Variants in MEDAG observed in about 807,000 individuals in gnomAD.
MEDAG encodes mesenteric estrogen dependent adipogenesis.
Under a neutral mutation model 29.9 loss-of-function variants are expected in MEDAG, and 25 were observed. The ratio of observed to expected loss-of-function variants is 0.84; its 90% CI spans 0.61 to 1.17. The LOEUF is 1.17. Ranked by LOEUF, MEDAG falls within the 50% of genes most tolerant of loss-of-function variation. The probability of loss-of-function intolerance (pLI) is 0.00; values close to 1 mark genes in which losing one functional copy is unlikely to be tolerated. For missense variants in MEDAG, 398 were observed against 372.9 expected (o/e 1.07, Z -0.56); for synonymous variants, 158 against 148.2 (o/e 1.07, Z -0.48).
At position 30,924,319 on chromosome 13, in the gene MEDAG, G is replaced by A. The variant is rs758793268; in HGVS notation, c.796G>A (p.Asp266Asn). 6.2e-7 allele frequency: 1 copy of A among 1,613,240 alleles called. No homozygotes were observed. The highest frequency in any genetic ancestry group is 8.5e-7 in the Non-Finnish European group (1 of 1,179,594). Residue 266 changes from aspartate to asparagine, a missense_variant, in exon 5 of 5, where the codon GAT becomes AAT. Asp to Asn is a conservative substitution (Grantham distance 23, BLOSUM62 1). Transcript: ENST00000380482. ...TGTTTACTGTTTTTTAGGTTCAATA[G>A]ATGATGTTTTTAACTGCAATCTGTC... is the stretch of plus-strand genomic sequence containing the variant. ...KFSVTSRGSI[D>N]DVFNCNLSPR... is the part of the protein sequence containing the mutation.
At chr13:30,923,992 C>A (rs996664150) in intron 4 of MEDAG, among the ~76,000 whole-genome samples, 16 of 150,458 alleles carry the variant, frequency 1.1e-4, no homozygotes, top group Non-Finnish European at 2.2e-4. Context: ...AGGGTGCTAA[C>A]CTGGGCCCAT....
At chr13:30,916,890 G>A (rs891377446) in intron 1 of MEDAG, 1 of 154,710 alleles carries the variant, frequency 6.5e-6, no homozygotes, top group African/African-American at 2.4e-5. Flanking sequence ...GGAGAGATGT[G>A]AACTAGTAAT....
chr13:30,910,358 G>T (rs952723257), intron 1 of MEDAG, among the ~76,000 whole-genome samples: 10 of 152,122 alleles, frequency 6.6e-5, no homozygotes, highest in Non-Finnish European at 1.2e-4. Flanking sequence ...AATAGAAATG[G>T]TGGCTACTAA....
At position 30,924,384 on chromosome 13, in the gene MEDAG, A is replaced by G. The variant is rs759087951; in HGVS notation, c.861A>G (p.Leu287=). 6.2e-7 allele frequency: 1 copy of G among 1,614,096 alleles called. No homozygotes were observed. Among genetic ancestry groups the G allele is most frequent in the South Asian group, 1.1e-5 (1 of 91,062 alleles). The change falls in exon 5 of 5, where the codon TTA becomes TTG. Residue 287 remains leucine (L), a synonymous_variant. Coordinates refer to ENST00000380482, the MANE Select transcript of MEDAG (RefSeq NM_032849.4). ...SSLTEPLLAE[L]PFPSVLESEE... is the part of the protein sequence containing the mutation. ...TGACAGAGCCTCTTTTGGCAGAATT[A>G]CCATTTCCAAGTGTTCTGGAATCTG...
chr13:30,923,670 C>G (rs190590119), intron 4 of MEDAG, among the ~76,000 whole-genome samples: 2 of 152,312 alleles, frequency 1.3e-5, no homozygotes, highest in East Asian at 3.9e-4. Context: ...TCTGACACCC[C>G]TGAGTTCACC....
chr13:30,906,893 C>A (rs71436424), intron 1 of MEDAG, 100 bp downstream of exon 1: 4 of 1,222,998 alleles, frequency 3.3e-6, no homozygotes, highest in South Asian at 1.7e-5. Context: ...TCGCTGCCTG[C>A]GACACCGCGT....
In MEDAG at chr13:30,921,717, A is replaced by G; in HGVS notation, c.658A>G (p.Lys220Glu). Reference sequence around the variant, plus strand: ...TAATTCCGTTGTAAAAGTAAATGGAAAAGTTCTGAATTTGTCAAGTACAAG... The same window carrying G: ...TAATTCCGTTGTAAAAGTAAATGGAGAAGTTCTGAATTTGTCAAGTACAAG... Reference protein sequence around the residue: ...LSNSVVKVNGKVLNLSSTSPE... With the variant: ...LSNSVVKVNGEVLNLSSTSPE... The change falls in exon 4 of 5, where the codon AAA becomes GAA. Residue 220 changes from lysine to glutamate, a missense_variant. Coordinates refer to ENST00000380482, the MANE Select transcript of MEDAG (RefSeq NM_032849.4). 1 of 1,614,082 alleles carries G rather than the reference A, an allele frequency of 6.2e-7. No homozygotes were observed. Among genetic ancestry groups the G allele is most frequent in the Non-Finnish European group, 8.5e-7 (1 of 1,180,002 alleles).
In MEDAG at chr13:30,921,125, A is replaced by G; in HGVS notation, c.500A>G (p.Gln167Arg). ...GTGATTGGAGAAAGTTACCGGCTTC[A>G]GGTAAGCCTAGCCTGTCTGAATCCA... ...SSVIGESYRL[Q>R]FDFQEAVKNF... The change falls in exon 3 of 5, where the codon CAG becomes CGG. Residue 167 changes from glutamine to arginine, a missense_variant and splice_region_variant. Coordinates refer to ENST00000380482, the MANE Select transcript of MEDAG (RefSeq NM_032849.4). The G allele has an allele frequency of 6.2e-7, 1 of 1,611,042 alleles. No homozygotes were observed. Among genetic ancestry groups the G allele is most frequent in the Non-Finnish European group, 8.5e-7 (1 of 1,177,870 alleles).
intron 1 of MEDAG, among the ~76,000 whole-genome samples, chr13:30,907,032 C>T (rs1433061924): frequency 1.3e-5 from 2 of 152,214 alleles, no homozygotes; most frequent in African/African-American, 4.8e-5. Flanking sequence ...CCCAGAAGGG[C>T]ATCAGGACTG....
At chr13:30,907,531 A>AT (rs1952842270) in intron 1 of MEDAG, among the ~76,000 whole-genome samples, 2 of 152,038 alleles carry the variant, frequency 1.3e-5, no homozygotes, top group African/African-American at 4.8e-5. Flanking sequence ...GACCGGCAGG[A>AT]TGTGGCCCAG....
intron 1 of MEDAG, among the ~76,000 whole-genome samples, chr13:30,915,812 C>T (rs1952922475): frequency 6.6e-6 from 1 of 151,962 alleles, no homozygotes; most frequent in African/African-American, 2.4e-5. Flanking sequence ...TTGTAACACC[C>T]CAGCGCCCCA....
In MEDAG at chr13:30,906,544, C is replaced by T; in HGVS notation, c.29C>T (p.Ala10Val). The change falls in exon 1 of 5, where the codon GCC becomes GTC. Residue 10 changes from alanine (A) to valine (V), a missense_variant. By Grantham distance (64) the Ala-to-Val change is moderately conservative (BLOSUM62 0). Coordinates refer to ENST00000380482, the MANE Select transcript of MEDAG (RefSeq NM_032849.4). MAGAACEPV[A>V]RPSLTSISSG... ...GCGGGGGCGGCCTGCGAGCCGGTGG[C>T]CAGGCCGAGCCTGACCTCCATCTCG... The T allele has an allele frequency of 6.5e-7, 1 of 1,532,980 alleles. No individual in the cohort carries two copies. The highest frequency in any genetic ancestry group is 8.7e-7 in the Non-Finnish European group (1 of 1,148,488). 95.0% of individuals were successfully genotyped at this position (1,532,980 alleles called of 1,614,324 possible).
chr13:30,906,827 C>T, intron 1 of MEDAG, 34 bp downstream of exon 1: 4 of 1,428,954 alleles, frequency 2.8e-6, no homozygotes, highest in South Asian at 3.0e-5. Flanking sequence ...TGGCCCGTCG[C>T]CTGGTACCCG....
At chr13:30,911,604 C>T (rs6563504) in intron 1 of MEDAG, among the ~76,000 whole-genome samples, 71,112 of 151,878 alleles carry the variant, frequency 0.47, 16,682 homozygotes, top group Middle Eastern at 0.53. Context: ...TACCCCAGTA[C>T]GTGGCTATAA....
At chr13:30,913,880 A>G (rs1952903176) in intron 1 of MEDAG, among the ~76,000 whole-genome samples, 1 of 152,120 alleles carries the variant, frequency 6.6e-6, no homozygotes, top group South Asian at 2.1e-4. Flanking sequence ...TGTCTCTACT[A>G]AAAATACAAA....
chr13:30,915,391 C>T (rs979313392), intron 1 of MEDAG, among the ~76,000 whole-genome samples: 1 of 152,158 alleles, frequency 6.6e-6, no homozygotes, highest in Non-Finnish European at 1.5e-5. Context: ...GCACTGCCTC[C>T]GTCCACTGTC....
Sources: allele counts gnomAD v4.1 joint callset (sites outside exome capture counted in the v4.1 genomes callset), GRCh38; gene constraint gnomAD v4.1.1; transcripts MANE v1.5; gene names NCBI Gene and HGNC (gene_info 2026-07-23, HGNC 2026-07-21).